Variants in TBC1D5 observed in about 807,000 individuals in gnomAD.
The protein encoded by TBC1D5 is TBC1 domain family member 5.
A neutral mutation model predicts 100.3 loss-of-function variants in TBC1D5; 75 were observed. The observed-to-expected ratio is 0.75, with a 90% CI of 0.62 to 0.91. The LOEUF is 0.91. Among genes scored for constraint, TBC1D5 ranks in the 40% least tolerant of loss-of-function variants. The pLI, the probability that TBC1D5 is intolerant of heterozygous loss-of-function variation, is 0.00. For synonymous variants in TBC1D5, 323 were observed against 325.6 expected, an observed-to-expected ratio of 0.99 and a Z score of 0.09; for missense variants, 910 against 942.4, an observed-to-expected ratio of 0.97 and a Z score of 0.45.
intron 2 of TBC1D5, among the ~76,000 whole-genome samples, chr3:17,536,056 C>T (rs1314441170): frequency 1.3e-5 from 2 of 152,064 alleles, no homozygotes; most frequent in Non-Finnish European, 2.9e-5. Context: ...AGATTTACTG[C>T]AGATTAGGAG....
At chr3:17,342,305 A>G (rs900656663) in intron 13 of TBC1D5, among the ~76,000 whole-genome samples, 2 of 152,224 alleles carry the variant, frequency 1.3e-5, no homozygotes, top group Admixed American at 1.3e-4. Flanking sequence ...ACCTTGCTCA[A>G]TAATCTCTTC....
chr3:17,628,929 C>T (rs2063284012), intron 1 of TBC1D5, among the ~76,000 whole-genome samples: 1 of 152,190 alleles, frequency 6.6e-6, no homozygotes, highest in African/African-American at 2.4e-5. Context: ...TGTCTGCCGC[C>T]TACATTTTCA....
chr3:17,519,424 A>G (rs1245774804), intron 2 of TBC1D5, among the ~76,000 whole-genome samples: 1 of 152,206 alleles, frequency 6.6e-6, no homozygotes, highest in East Asian at 1.9e-4. Flanking sequence ...TCTTCGCCTT[A>G]CCAACTGCTA....
chr3:17,284,089 T>TACACACACATACACAC (rs1553651823), intron 15 of TBC1D5, among the ~76,000 whole-genome samples: 2 of 132,718 alleles, frequency 1.5e-5, no homozygotes, highest in African/African-American at 6.0e-5. Context: ...CTCATTATTT[T>TACACACACATACACAC]ACACACACAC....
intron 3 of TBC1D5, among the ~76,000 whole-genome samples, chr3:17,483,758 A>T (rs868155173): frequency 3.9e-5 from 6 of 152,228 alleles, no homozygotes; most frequent in South Asian, 2.1e-4. Flanking sequence ...AGATTTGTTA[A>T]TAAGTTACTT....
intron 13 of TBC1D5, among the ~76,000 whole-genome samples, chr3:17,334,364 G>A (rs2087351109): frequency 6.6e-6 from 1 of 152,090 alleles, no homozygotes; most frequent in Admixed American, 6.5e-5. Flanking sequence ...AGACTCTGCT[G>A]ATTCCTAAGG....
At chr3:17,196,609 A>G (rs2070721695) in intron 18 of TBC1D5, among the ~76,000 whole-genome samples, 1 of 152,224 alleles carries the variant, frequency 6.6e-6, no homozygotes, top group African/African-American at 2.4e-5. Context: ...TCTGATGAGG[A>G]GTCAAAGCAT....
intron 7 of TBC1D5, 25 bp from the exon 8 acceptor site, chr3:17,403,273 A>G (rs1163977859): frequency 6.6e-7 from 1 of 1,512,508 alleles, no homozygotes; most frequent in Non-Finnish European, 9.0e-7. Context: ...ACAATCTATT[A>G]TATAGTCTCA....
intron 2 of TBC1D5, among the ~76,000 whole-genome samples, chr3:17,559,414 T>C (rs112407146): frequency 1.3e-5 from 2 of 151,974 alleles, no homozygotes; most frequent in African/African-American, 4.8e-5. Flanking sequence ...AAAATGCTGG[T>C]ATTACAGGCA....
At chr3:17,343,482 A>C (rs2151462664) in intron 13 of TBC1D5, among the ~76,000 whole-genome samples, 1 of 145,172 alleles carries the variant, frequency 6.9e-6, no homozygotes, top group South Asian at 2.2e-4. Context: ...CTGGCCTCAT[A>C]AAATAAGTTA....
At chr3:17,214,639 T>TAAA (rs202019351) in intron 17 of TBC1D5, among the ~76,000 whole-genome samples, 140 of 133,444 alleles carry the variant, frequency 1.0e-3, no homozygotes, top group African/African-American at 3.6e-3. Flanking sequence ...TAAAAAGAAC[T>TAAA]AAAAAAAAAA....
At chr3:17,740,017 C>CAA (rs1280178684) in exon 1 of TBC1D5, 2 of 138,596 alleles carry the variant, frequency 1.4e-5, no homozygotes, top group Admixed American at 7.2e-5. Flanking sequence ...AAACAAAAAA[C>CAA]AAAAAAAAAA....
At position 17,413,415 on chromosome 3, in the gene TBC1D5, G is replaced by A. The variant is rs535342862; in HGVS notation, c.168-6889C>T. 2.0e-5 allele frequency among the ~76,000 whole-genome samples: 3 copies of A among 152,244 alleles called. No individual in the cohort carries two copies. The East Asian group carries it at 5.8e-4, about 29-fold the overall frequency. On this transcript the variant is annotated intron_variant, in intron 4 of 21. Coordinates refer to ENST00000253692, the Ensembl canonical transcript of TBC1D5. ...GATACCTTCCCTCTAAGACCTATTT[G>A]GGTAGTTAAGCTTCCTGCAATGGCT...
At chr3:17,289,491 G>A (rs1279863353) in intron 15 of TBC1D5, among the ~76,000 whole-genome samples, 3 of 151,958 alleles carry the variant, frequency 2.0e-5, no homozygotes, top group Non-Finnish European at 2.9e-5. Flanking sequence ...AAAATTAGCC[G>A]GGTGTGATGG....
intron 21 of TBC1D5, among the ~76,000 whole-genome samples, chr3:17,161,873 C>A (rs1305988793): frequency 1.3e-5 from 2 of 152,180 alleles, no homozygotes; most frequent in East Asian, 3.9e-4. Flanking sequence ...ACAGGGGTCT[C>A]CTGGAGCAAT....
At chr3:17,412,547 TC>T (rs1354851220) in intron 4 of TBC1D5, among the ~76,000 whole-genome samples, 1 of 152,038 alleles carries the variant, frequency 6.6e-6, no homozygotes, top group Non-Finnish European at 1.5e-5. Flanking sequence ...TATTGAGGTG[TC>T]AGTGGTGAAA....
chr3:17,591,243 A>C (rs1374561018), intron 2 of TBC1D5, among the ~76,000 whole-genome samples: 3 of 111,644 alleles, frequency 2.7e-5, no homozygotes, highest in African/African-American at 7.8e-5. Context: ...CAAAAAAAAA[A>C]AAAAAAAAAA....
At chr3:17,387,352 CT>C (rs1213361394) in intron 8 of TBC1D5, among the ~76,000 whole-genome samples, 1 of 151,572 alleles carries the variant, frequency 6.6e-6, no homozygotes, top group Non-Finnish European at 1.5e-5. Flanking sequence ...AACTGCTTCC[CT>C]AATCAGTTAT....
intron 18 of TBC1D5, among the ~76,000 whole-genome samples, chr3:17,205,419 T>C (rs1385892560): frequency 6.6e-6 from 1 of 152,220 alleles, no homozygotes; most frequent in Non-Finnish European, 1.5e-5. Flanking sequence ...CTGGGAAGGC[T>C]GCTCTGCTCA....
Sources: allele counts gnomAD v4.1 joint callset (sites outside exome capture counted in the v4.1 genomes callset), GRCh38; gene constraint gnomAD v4.1.1; transcripts MANE v1.5; gene names NCBI Gene and HGNC (gene_info 2026-07-23, HGNC 2026-07-21).